CDH4: variants seen among roughly 807,000 people sequenced by gnomAD.
CDH4 encodes cadherin 4, also known as cadherin-4.
A neutral mutation model predicts 86.0 loss-of-function variants in CDH4; 33 were observed. That is an observed-to-expected ratio of 0.38 (90% CI 0.29 to 0.51). CDH4 has a LOEUF of 0.51. Ranked by LOEUF, CDH4 falls within the 20% of genes least tolerant of loss-of-function variation. The probability of loss-of-function intolerance (pLI) is 0.86; values close to 1 mark genes in which losing one functional copy is unlikely to be tolerated. For missense variants in CDH4, 1,114 were observed against 1,307.4 expected (o/e 0.85, Z 2.28); for synonymous variants, 555 against 549.4 (o/e 1.01, Z -0.14).
chr20:61,368,348 T>C (rs536332219), intron 2 of CDH4, among the ~76,000 whole-genome samples: 5 of 152,176 alleles, frequency 3.3e-5, no homozygotes, highest in African/African-American at 9.7e-5. Flanking sequence ...ATGGGATCGG[T>C]GCACTTAGAA....
chr20:61,813,122 C>CA (rs1980524021), intron 4 of CDH4, among the ~76,000 whole-genome samples: 1 of 152,232 alleles, frequency 6.6e-6, no homozygotes, highest in South Asian at 2.1e-4. Context: ...CCAGAGATTT[C>CA]AAACAGAATT....
intron 2 of CDH4, among the ~76,000 whole-genome samples, chr20:61,585,630 G>A (rs1185943736): frequency 2.0e-5 from 3 of 152,158 alleles, no homozygotes; most frequent in Admixed American, 6.5e-5. Context: ...TGGTCATGAC[G>A]GTGATGGTGA....
At chr20:61,407,188 C>T (rs2085089105) in intron 2 of CDH4, among the ~76,000 whole-genome samples, 1 of 152,248 alleles carries the variant, frequency 6.6e-6, no homozygotes. Context: ...AAGCCTCCTG[C>T]AACAGTTAGC....
intron 2 of CDH4, among the ~76,000 whole-genome samples, chr20:61,701,794 G>A (rs540718171): frequency 1.1e-4 from 17 of 152,322 alleles, no homozygotes; most frequent in South Asian, 4.1e-4. Context: ...CGGACAAAGC[G>A]TCCATTGGCA....
At chr20:61,459,460 A>G (rs2186110) in intron 2 of CDH4, among the ~76,000 whole-genome samples, 59,740 of 149,810 alleles carry the variant, frequency 0.4, 12,501 homozygotes, top group Admixed American at 0.51. Context: ...GTAGGGAGCC[A>G]GGGGTGCCTG....
Position 61,703,997 on chromosome 20 carries a change from G to A in CDH4, c.170-39566G>A, listed in dbSNP as rs1048997959. 2.6e-5 allele frequency among the ~76,000 whole-genome samples: 4 copies of A among 152,052 alleles called. No homozygotes were observed. Among genetic ancestry groups the A allele is most frequent in the Non-Finnish European group, 5.9e-5 (4 of 67,998 alleles). On this transcript the variant is annotated intron_variant, in intron 2 of 15. Coordinates refer to ENST00000614565, the MANE Select transcript of CDH4 (RefSeq NM_001794.5). The surrounding 1 kb of genome is among the most constrained non-coding windows in gnomAD (Gnocchi z 4.3). Reference sequence around the variant, plus strand: ...AGAGTCACAGCCGCTGGGAGTGGCCGGGCAGGTGGCTGTGCCCTGTGGGTC... The same window carrying A: ...AGAGTCACAGCCGCTGGGAGTGGCCAGGCAGGTGGCTGTGCCCTGTGGGTC...
intron 2 of CDH4, among the ~76,000 whole-genome samples, chr20:61,565,095 G>GTGGTGGTGGTGGTGGTGGTGC (rs1568688020): frequency 7.8e-6 from 1 of 127,838 alleles, no homozygotes; most frequent in Admixed American, 7.6e-5. Flanking sequence ...GGTGCTCTTG[G>GTGGTGGTGGTGGTGGTGGTGC]TGGTGCTCTT....
intron 2 of CDH4, among the ~76,000 whole-genome samples, chr20:61,734,024 T>G (rs1391519399): frequency 1.3e-5 from 2 of 152,230 alleles, no homozygotes; most frequent in Non-Finnish European, 2.9e-5. Context: ...GGCTGTCTCC[T>G]GGCCCCTTTC....
At chr20:61,889,233 C>T (rs746068228) in intron 7 of CDH4, among the ~76,000 whole-genome samples, 1 of 152,184 alleles carries the variant, frequency 6.6e-6, no homozygotes, top group African/African-American at 2.4e-5. Flanking sequence ...GATGAGAGGA[C>T]CTCAGCTTCC....
chr20:61,467,998 T>TC (rs1056141673), intron 2 of CDH4, among the ~76,000 whole-genome samples: 1 of 152,168 alleles, frequency 6.6e-6, no homozygotes, highest in African/African-American at 2.4e-5. Context: ...TGTTGTCTTC[T>TC]CCCCATGGAA....
chr20:61,457,998 G>A (rs1269629486), intron 2 of CDH4, among the ~76,000 whole-genome samples: 1 of 151,522 alleles, frequency 6.6e-6, no homozygotes, highest in Non-Finnish European at 1.5e-5. Context: ...TGACACTGGT[G>A]GTGGTGTTGG....
chr20:61,743,691 T>A lies in CDH4; in HGVS notation c.298T>A (p.Phe100Ile). 1 of 1,608,846 alleles carries A rather than the reference T, an allele frequency of 6.2e-7. No homozygotes were observed. Among genetic ancestry groups the A allele is most frequent in the Non-Finnish European group, 8.5e-7 (1 of 1,177,912 alleles). Reference sequence around the variant, plus strand: ...GCAGGTCCCCTCCGAGCAGGTGGCGTTCACGGTGACTGCATGGGACAGCCA... The same window carrying A: ...GCAGGTCCCCTCCGAGCAGGTGGCGATCACGGTGACTGCATGGGACAGCCA... ...ELQVPSEQVA[F>I]TVTAWDSQTA... is the part of the protein sequence containing the mutation. Residue 100 changes from phenylalanine (F) to isoleucine (I), a missense_variant, in exon 3 of 16, where the codon TTC becomes ATC. Physicochemically the swap from Phe to Ile is conservative, Grantham distance 21. Around this residue, in one of 3 missense-constraint regions of CDH4, gnomAD observed 221 missense variants for 209.5 expected, o/e 1.05. Coordinates refer to ENST00000614565, the MANE Select transcript of CDH4 (RefSeq NM_001794.5).
At chr20:61,528,792 G>A (rs910700733) in intron 2 of CDH4, among the ~76,000 whole-genome samples, 1 of 152,084 alleles carries the variant, frequency 6.6e-6, no homozygotes, top group Non-Finnish European at 1.5e-5. Context: ...GGCAGTGCGG[G>A]GCCTGGCTGC....
intron 7 of CDH4, among the ~76,000 whole-genome samples, chr20:61,889,324 GGA>G (rs1984683360): frequency 6.6e-6 from 1 of 150,980 alleles, no homozygotes; most frequent in Non-Finnish European, 1.5e-5. Flanking sequence ...ATGGATGGAT[GGA>G]TGGATGGATG....
intron 2 of CDH4, among the ~76,000 whole-genome samples, chr20:61,487,898 A>C (rs1425441780): frequency 6.6e-6 from 1 of 152,216 alleles, no homozygotes; most frequent in Non-Finnish European, 1.5e-5. Flanking sequence ...TGGGTTGGAA[A>C]AAATACAAAC....
At chr20:61,795,132 G>A (rs373728857) in intron 4 of CDH4, among the ~76,000 whole-genome samples, 46 of 133,516 alleles carry the variant, frequency 3.4e-4, no homozygotes, top group African/African-American at 1.1e-3. Context: ...GGTGATGATG[G>A]AAATGATGGT....
chr20:61,866,782 T>C (rs1226941986), intron 6 of CDH4, among the ~76,000 whole-genome samples: 2 of 152,216 alleles, frequency 1.3e-5, no homozygotes, highest in Admixed American at 6.5e-5. Context: ...CAGAAAAGAA[T>C]TCTCAAAAGT....
chr20:61,935,800 C>T (rs776278523), intron 15 of CDH4, among the ~76,000 whole-genome samples: 122 of 152,278 alleles, frequency 8.0e-4, no homozygotes, highest in African/African-American at 9.1e-4. Flanking sequence ...ACAGGAGAAT[C>T]GCTTGAACGT....
At chr20:61,666,446 A>C (rs6061716) in intron 2 of CDH4, among the ~76,000 whole-genome samples, 9,057 of 152,332 alleles carry the variant, frequency 0.059, 314 homozygotes, top group East Asian at 0.14. Flanking sequence ...CTGGCAGTGC[A>C]CAGGCATCAA....
Sources: allele counts gnomAD v4.1 joint callset (sites outside exome capture counted in the v4.1 genomes callset), GRCh38; gene constraint gnomAD v4.1.1; regional missense constraint gnomAD v4.1.1; non-coding constraint Gnocchi (gnomAD v3.1); transcripts MANE v1.5; gene names NCBI Gene and HGNC (gene_info 2026-07-23, HGNC 2026-07-21).